Variants in ARL9 observed in about 807,000 individuals in gnomAD.
ARL9 encodes the protein ARF like GTPase 9.
ARL9 carries 14 observed loss-of-function variants against 27.0 expected under a neutral mutation model. The observed-to-expected ratio is 0.52, with a 90% CI of 0.34 to 0.81. ARL9 has a LOEUF of 0.81. ARL9 is among the 30% of genes least tolerant of loss of function. The probability of loss-of-function intolerance (pLI) is 0.01; values close to 1 mark genes in which losing one functional copy is unlikely to be tolerated. For missense variants in ARL9, 294 were observed against 290.0 expected, an observed-to-expected ratio of 1.01 and a Z score of -0.10; for synonymous variants, 106 against 108.7, an observed-to-expected ratio of 0.98 and a Z score of 0.15.
chr4:56,507,696 C>T (rs922965978), intron 1 of ARL9, among the ~76,000 whole-genome samples: 1 of 150,938 alleles, frequency 6.6e-6, no homozygotes, highest in African/African-American at 2.4e-5. Context: ...AAAAAAAAGC[C>T]GGCGCAGTGG....
chr4:56,521,993 C>CT (rs111319999), intron 3 of ARL9, among the ~76,000 whole-genome samples: 2,788 of 143,614 alleles, frequency 0.019, 79 homozygotes, highest in African/African-American at 0.062. Context: ...CTTTTCTTTT[C>CT]TTTTTTTTTT....
intron 1 of ARL9, among the ~76,000 whole-genome samples, chr4:56,508,372 G>A (rs548241539): frequency 1.3e-5 from 2 of 151,976 alleles, no homozygotes; most frequent in Non-Finnish European, 2.9e-5. Flanking sequence ...GAACAAATAC[G>A]TACATTTTTT....
At chr4:56,506,786 T>TTG (rs138908292) in intron 1 of ARL9, 25,128 of 179,986 alleles carry the variant, frequency 0.14, 2,263 homozygotes, top group Admixed American at 0.26. Context: ...ATTAACACAG[T>TTG]TGTGTGTGTG....
chr4:56,524,085 C>T lies in ARL9; in HGVS notation c.*209C>T, dbSNP rs930621965. 12 of 454,290 alleles carry T rather than the reference C, an allele frequency of 2.6e-5. No individual in the cohort carries two copies. The highest frequency in any genetic ancestry group is 2.3e-4 in the African/African-American group (12 of 51,078). 28.1% of individuals were successfully genotyped at this position (454,290 alleles called of 1,614,324 possible). Reference sequence around the variant, plus strand: ...GATCCAAAACATTCAAAAAGTAAACCCACTGAAGAATAATAACACAACAAT... The same window carrying T: ...GATCCAAAACATTCAAAAAGTAAACTCACTGAAGAATAATAACACAACAAT... On this transcript the variant is annotated 3_prime_UTR_variant, in exon 4 of 4. Coordinates refer to ENST00000640821, the MANE Select transcript of ARL9 (RefSeq NM_001363794.2).
chr4:56,521,233 AG>A (rs1322455611), intron 3 of ARL9, among the ~76,000 whole-genome samples: 34 of 150,032 alleles, frequency 2.3e-4, no homozygotes, highest in African/African-American at 7.6e-4. Flanking sequence ...AAAAAAAAAA[AG>A]AGAGAGGCTG....
chr4:56,518,261 T>C (rs1721820060), intron 2 of ARL9, among the ~76,000 whole-genome samples: 1 of 152,136 alleles, frequency 6.6e-6, no homozygotes, highest in African/African-American at 2.4e-5. Context: ...GGTCTTGAAC[T>C]ATTGGGCTCA....
intron 1 of ARL9, among the ~76,000 whole-genome samples, chr4:56,510,468 C>G (rs1721605585): frequency 6.6e-6 from 1 of 152,022 alleles, no homozygotes; most frequent in African/African-American, 2.4e-5. Flanking sequence ...TGCTTATGCA[C>G]CGAGTGGCAC....
At chr4:56,511,382 C>T in intron 2 of ARL9, 35 bp downstream of exon 2, 1 of 1,576,770 alleles carries the variant, frequency 6.3e-7, no homozygotes, top group Non-Finnish European at 8.6e-7. Context: ...AAGATAGCCA[C>T]ATTTTATTGT....
At chr4:56,519,781 A>G (rs1386669084) in intron 3 of ARL9, among the ~76,000 whole-genome samples, 1 of 152,006 alleles carries the variant, frequency 6.6e-6, no homozygotes, top group African/African-American at 2.4e-5. Context: ...TCATAGCAGC[A>G]TTACTCATAA....
upstream of ARL9, chr4:56,505,593 C>A: frequency 1.7e-6 from 1 of 594,090 alleles, no homozygotes; most frequent in South Asian, 1.8e-5. Context: ...CTCTTGGTTT[C>A]GCTTGGCTGG....
At chr4:56,511,868 G>A (rs567277057) in intron 2 of ARL9, among the ~76,000 whole-genome samples, 24 of 152,248 alleles carry the variant, frequency 1.6e-4, no homozygotes, top group Admixed American at 1.2e-3. Flanking sequence ...CCATCTATAT[G>A]CTAATGGCTC....
chr4:56,505,543 T>A, upstream of ARL9: 1 of 540,616 alleles, frequency 1.8e-6, no homozygotes, highest in South Asian at 1.5e-5. Flanking sequence ...TCTGCAGCAA[T>A]GATATACCCC....
chr4:56,506,472 T>C (rs1199030697), intron 1 of ARL9, among the ~76,000 whole-genome samples: 2 of 152,072 alleles, frequency 1.3e-5, no homozygotes, highest in Non-Finnish European at 1.5e-5. Context: ...CGCGCAACAC[T>C]AGCGCACAGA....
chr4:56,521,857 A>G (rs879710951), intron 3 of ARL9, among the ~76,000 whole-genome samples: 5 of 152,144 alleles, frequency 3.3e-5, no homozygotes, highest in Admixed American at 1.3e-4. Context: ...ATTTGGAAAA[A>G]ATAATTCTTT....
Position 56,518,693 on chromosome 4 carries a change from C to A in ARL9, c.458C>A (p.Pro153His), listed in dbSNP as rs61732254. Reference protein sequence around the residue: ...MEFLEIGGSKPFRSYWEMYLS... With the variant: ...MEFLEIGGSKHFRSYWEMYLS... ...TTCTCTGTAGTTGGTGGCAGTAAAC[C>A]TTTTCGGTCCTACTGGGAAATGTAC... The change falls in exon 3 of 4, where the codon CCT (proline) becomes CAT (histidine). Residue 153 changes from proline (P) to histidine (H), a missense_variant. Coordinates refer to ENST00000640821, the MANE Select transcript of ARL9 (RefSeq NM_001363794.2). The A allele has an allele frequency of 4.8e-4, 769 of 1,612,630 alleles. 5 individuals are homozygous for A. In the African/African-American group the frequency reaches 9.5e-3, roughly 20 times the overall value.
chr4:56,510,693 A>T (rs191625361), intron 1 of ARL9, among the ~76,000 whole-genome samples: 58 of 152,294 alleles, frequency 3.8e-4, no homozygotes, highest in Non-Finnish European at 7.8e-4. Flanking sequence ...TTAGTATCAC[A>T]TAATGAACAG....
intron 1 of ARL9, among the ~76,000 whole-genome samples, chr4:56,507,892 C>G (rs1357640748): frequency 6.7e-6 from 1 of 150,094 alleles, no homozygotes; most frequent in African/African-American, 2.4e-5. Context: ...AGGAAAATCG[C>G]GTGAACCTGG....
At chr4:56,519,927 T>C (rs1179236401) in intron 3 of ARL9, among the ~76,000 whole-genome samples, 4 of 151,964 alleles carry the variant, frequency 2.6e-5, no homozygotes, top group Admixed American at 2.6e-4. Flanking sequence ...TCTCAGCTCA[T>C]TACCTCCTGG....
intron 1 of ARL9, among the ~76,000 whole-genome samples, chr4:56,508,940 T>C (rs1368256257): frequency 6.6e-6 from 1 of 152,190 alleles, no homozygotes; most frequent in Non-Finnish European, 1.5e-5. Context: ...ACCAGCGCCA[T>C]TGAAGACAAT....
Sources: gnomAD v4.1 joint callset for allele counts (sites outside exome capture counted in the v4.1 genomes callset) on GRCh38, gnomAD v4.1.1 for gene constraint, MANE v1.5 for transcripts, NCBI Gene and HGNC (gene_info 2026-07-23, HGNC 2026-07-21) for gene names.